The following TRRAP variants were observed in gnomAD, a reference collection of about 807,000 sequenced individuals.
TRRAP encodes transformation/transcription domain associated protein.
Under a neutral mutation model 438.8 loss-of-function variants are expected in TRRAP, and 41 were observed. That is an observed-to-expected ratio of 0.09 (90% confidence interval 0.07 to 0.12). The LOEUF is 0.12. TRRAP is among the 10% of genes least tolerant of loss of function. The pLI is 1.00. For synonymous variants in TRRAP, 1,994 were observed against 1,962.9 expected (o/e 1.02, Z -0.42); for missense variants, 3,122 against 5,055.1 (o/e 0.62, Z 11.60).
At chr7:98,959,550 C>A in intron 45 of TRRAP, 60 bp downstream of exon 45, 1 of 1,575,712 alleles carries the variant, frequency 6.3e-7, no homozygotes, top group South Asian at 1.2e-5. Context: ...CAGATACTGT[C>A]ACCTGGGCAG....
In TRRAP at chr7:98,927,137, C is replaced by T. The variant is rs560004771; in HGVS notation, c.2976-30C>T. On this transcript the variant is annotated intron_variant, in intron 22 of 72. Transcript: ENST00000456197. ...AGTCATCAGCTCAGGAGTTGGGTGTCGTGACACCAGATCTGATTTTGCCTT... is the reference window on the plus strand; with the variant it reads ...AGTCATCAGCTCAGGAGTTGGGTGTTGTGACACCAGATCTGATTTTGCCTT... The T allele has an allele frequency of 1.9e-5, 30 of 1,613,342 alleles. No individual in the cohort carries two copies. In the South Asian group the frequency reaches 2.4e-4, roughly 13 times the overall value.
rs537582723 is a variant in TRRAP at position 98,948,904 on chromosome 7, A to G, written c.4788+219A>G. 3.1e-4 allele frequency among the ~76,000 whole-genome samples: 47 copies of G among 152,266 alleles called. No individual in the cohort carries two copies. Among genetic ancestry groups the G allele is most frequent in the African/African-American group, 1.1e-3 (44 of 41,538 alleles). On this transcript the variant is annotated intron_variant, in intron 35 of 72. Transcript: ENST00000456197. The surrounding 1 kb of genome is among the most constrained non-coding windows in gnomAD (Gnocchi z 4.9). Reference sequence around the variant, plus strand: ...GGACTTTGGTGGTGGTAGCAAATAAATGTTCTGCCAGGATTATAAAATCAT... The same window carrying G: ...GGACTTTGGTGGTGGTAGCAAATAAGTGTTCTGCCAGGATTATAAAATCAT...
In TRRAP at chr7:98,956,023, G is replaced by A. The variant is rs564882715; in HGVS notation, c.5938-123G>A. ...TCAGAATTCTTGAGCATCAAGTTGG[G>A]CTGTGTGTGTATGTTGGGGCTGAGA... is the stretch of plus-strand genomic sequence containing the variant. On this transcript the variant is annotated intron_variant, in intron 41 of 72. Coordinates refer to ENST00000456197, the MANE Select transcript of TRRAP (RefSeq NM_001375524.1). This position sits in a 1 kb window ranked among gnomAD's most constrained non-coding sequence, Gnocchi z 4.5. 9 of 1,206,758 alleles carry A rather than the reference G, an allele frequency of 7.5e-6. No individual in the cohort carries two copies. In the East Asian group the frequency reaches 2.2e-4, roughly 30 times the overall value. 74.8% of individuals were successfully genotyped at this position (1,206,758 alleles called of 1,614,324 possible).
intron 6 of TRRAP, among the ~76,000 whole-genome samples, chr7:98,894,783 G>GTTTTTTTTTTTTTTTTTTTTTTTT (rs56407045): frequency 2.3e-5 from 2 of 87,418 alleles, no homozygotes; most frequent in Non-Finnish European, 4.0e-5. Flanking sequence ...CCAGCTAATG[G>GTTTTTTTTTTTTTTTTTTTTTTTT]TTTTTTTTTT....
intron 39 of TRRAP, 54 bp from the exon 40 acceptor site, chr7:98,953,113 G>T: frequency 6.3e-7 from 1 of 1,575,562 alleles, no homozygotes; most frequent in Non-Finnish European, 8.6e-7. Flanking sequence ...ATGACCCTCA[G>T]TCAGTAACCC....
At chr7:98,917,845 G>A (rs1298594865) in intron 20 of TRRAP, among the ~76,000 whole-genome samples, 166 bp downstream of exon 20, 1 of 152,188 alleles carries the variant, frequency 6.6e-6, no homozygotes. Context: ...AAGAAGGCCG[G>A]GCACGGTGTC....
At chr7:98,959,590 C>A in intron 45 of TRRAP, 100 bp downstream of exon 45, 1 of 1,500,102 alleles carries the variant, frequency 6.7e-7, no homozygotes, top group Non-Finnish European at 8.9e-7. Flanking sequence ...CACTCTGACC[C>A]TTATGCCTAA....
Position 98,900,633 on chromosome 7 carries a change from G to A in TRRAP, c.810G>A (p.Lys270=). ...IQVSAQARQH[K]LYNKELYADF... is the part of the protein sequence containing the mutation. The stretch of plus-strand genomic sequence containing the variant: ...TTCTCTTCTTATTCAGGCAACATAA[G>A]CTTTACAACAAGGAGTTGTATGCTG... The change falls in exon 11 of 73, where the codon AAG becomes AAA. Residue 270 remains lysine, a synonymous_variant. Coordinates refer to ENST00000456197, the MANE Select transcript of TRRAP (RefSeq NM_001375524.1). 1 of 1,610,560 alleles carries A rather than the reference G, an allele frequency of 6.2e-7. No homozygotes were observed. Among genetic ancestry groups the A allele is most frequent in the Non-Finnish European group, 8.5e-7 (1 of 1,179,246 alleles).
chr7:98,953,086 A>C, intron 39 of TRRAP, 81 bp from the exon 40 acceptor site: 2 of 1,060,656 alleles, frequency 1.9e-6, no homozygotes, highest in Admixed American at 2.1e-5. Context: ...TGTGTTTTTA[A>C]GGCTTAAACC....
In TRRAP at chr7:98,945,854, T is replaced by C. The variant is rs1164096131; in HGVS notation, c.4527+54T>C. 3.8e-6 allele frequency: 6 copies of C among 1,575,650 alleles called. No individual in the cohort carries two copies. In the African/African-American group the frequency reaches 5.5e-5, roughly 14 times the overall value. ...CTGACTTGCAATGTGAAGAAAAGTTTACCTTTTCTTTTCTTTTCTTTTCTT... is the reference window on the plus strand; with the variant it reads ...CTGACTTGCAATGTGAAGAAAAGTTCACCTTTTCTTTTCTTTTCTTTTCTT... On this transcript the variant is annotated intron_variant, in intron 32 of 72. Transcript: ENST00000456197.
Position 99,005,373 on chromosome 7 carries a change from TG to T in TRRAP, c.10753+28del. On this transcript the variant is annotated intron_variant, in intron 69 of 72. Coordinates refer to ENST00000456197, the MANE Select transcript of TRRAP (RefSeq NM_001375524.1). The surrounding 1 kb of genome is among the most constrained non-coding windows in gnomAD (Gnocchi z 5.1). ...GGTAGGGTTGAGAGCCACAGCTCGC[TG>T]GGTACACAGGCAGCTTCACAGGTGG... The T allele has an allele frequency of 6.2e-7, 1 of 1,610,700 alleles. No individual in the cohort carries two copies. The highest frequency in any genetic ancestry group is 8.5e-7 in the Non-Finnish European group (1 of 1,177,682).
At chr7:98,989,092 C>G in intron 63 of TRRAP, 126 bp downstream of exon 63, 1 of 971,742 alleles carries the variant, frequency 1.0e-6, no homozygotes. Flanking sequence ...AACTCTTAAT[C>G]CTCATCACTG....
rs1350011929 is a variant in TRRAP at position 98,967,476 on chromosome 7, G to T, written c.7299-9G>T. On this transcript the variant is annotated splice_polypyrimidine_tract_variant and intron_variant, in intron 50 of 72. Coordinates refer to ENST00000456197, the MANE Select transcript of TRRAP (RefSeq NM_001375524.1). The stretch of plus-strand genomic sequence containing the variant: ...CATCGTCTTGCCTGTCTCTGACTTG[G>T]TGTTACAGGGATGAGACCCTCTCTG... The T allele has an allele frequency of 1.2e-6, 2 of 1,613,304 alleles. No homozygotes were observed. Among genetic ancestry groups the T allele is most frequent in the African/African-American group, 1.3e-5 (1 of 74,778 alleles).
At chr7:98,920,768 AC>A (rs1219658340) in intron 20 of TRRAP, among the ~76,000 whole-genome samples, 1 of 152,124 alleles carries the variant, frequency 6.6e-6, no homozygotes, top group African/African-American at 2.4e-5. Context: ...AGACTTAAAA[AC>A]CTGAGAAGTT....
intron 67 of TRRAP, among the ~76,000 whole-genome samples, chr7:99,001,487 C>A (rs944896594): frequency 1.3e-5 from 2 of 151,838 alleles, no homozygotes; most frequent in Non-Finnish European, 2.9e-5. Context: ...ATTATTAAAT[C>A]AAAAAAGTAG....
At chr7:98,886,418 A>G (rs1232286267) in intron 3 of TRRAP, among the ~76,000 whole-genome samples, 4 of 152,030 alleles carry the variant, frequency 2.6e-5, no homozygotes, top group African/African-American at 9.7e-5. Flanking sequence ...CTAGAGAGAT[A>G]TGGATATCTA....
rs564995219 is a variant in TRRAP, at chr7:99,012,524, T to A, written c.*169T>A. 1.2e-6 allele frequency: 1 copy of A among 838,924 alleles called. No individual in the cohort carries two copies. Among genetic ancestry groups the A allele is most frequent in the Non-Finnish European group, 1.8e-6 (1 of 558,918 alleles). The allele number at this position is 838,924 out of a possible 1,614,324, so 52.0% of individuals were successfully genotyped here. ...CGTGTAAGAAAGGGAGAATATAGTTTTAGAGGAAGCTGAACTATGACGATG... is the reference window on the plus strand; with the variant it reads ...CGTGTAAGAAAGGGAGAATATAGTTATAGAGGAAGCTGAACTATGACGATG... On this transcript the variant is annotated 3_prime_UTR_variant, in exon 73 of 73. Transcript: ENST00000456197. This position sits in a 1 kb window ranked among gnomAD's most constrained non-coding sequence, Gnocchi z 5.9.
intron 27 of TRRAP, 24 bp downstream of exon 27, chr7:98,933,426 G>T: frequency 6.2e-7 from 1 of 1,604,474 alleles, no homozygotes; most frequent in South Asian, 1.1e-5. Flanking sequence ...GGTGCGGAGT[G>T]GTGTGGATGG....
At chr7:98,911,723 A>C (rs1400503571) in intron 17 of TRRAP, among the ~76,000 whole-genome samples, 1 of 151,078 alleles carries the variant, frequency 6.6e-6, no homozygotes, top group Non-Finnish European at 1.5e-5. Context: ...CTGAGATCGC[A>C]CCGCTGCACT....
Sources: gnomAD v4.1 joint callset for allele counts (sites outside exome capture counted in the v4.1 genomes callset) on GRCh38, gnomAD v4.1.1 for gene constraint, Gnocchi (gnomAD v3.1) non-coding constraint, MANE v1.5 for transcripts, NCBI Gene and HGNC (gene_info 2026-07-23, HGNC 2026-07-21) for gene names.